Variants in LPAR3 observed in about 807,000 individuals in gnomAD.
LPAR3 encodes the protein LPA receptor 3.
A neutral mutation model predicts 17.8 loss-of-function variants in LPAR3; 7 were observed. The ratio of observed to expected loss-of-function variants is 0.39; its 90% confidence interval spans 0.22 to 0.74. LPAR3 has a LOEUF of 0.74. Ranked by LOEUF, LPAR3 falls within the 30% of genes least tolerant of loss-of-function variation. The probability of loss-of-function intolerance (pLI) is 0.40; values close to 1 mark genes in which losing one functional copy is unlikely to be tolerated. For synonymous variants in LPAR3, 179 were observed against 179.9 expected (o/e 0.99, Z 0.04); for missense variants, 391 against 453.4 (o/e 0.86, Z 1.25).
At chr1:84,839,964 C>T (rs539099155) in intron 2 of LPAR3, among the ~76,000 whole-genome samples, 3 of 152,306 alleles carry the variant, frequency 2.0e-5, no homozygotes, top group East Asian at 1.9e-4. Flanking sequence ...GTCACTCTGT[C>T]GCCCAGGCTG....
chr1:84,849,372 C>CAAAAA lies in LPAR3; in HGVS notation c.736+16008_736+16012dup, dbSNP rs34239236. On this transcript the variant is annotated intron_variant, in intron 2 of 2. Coordinates refer to ENST00000370611, the MANE Select transcript of LPAR3 (RefSeq NM_012152.3). ...CCTGGTGACAGAGTGAGACTCATCT[C>CAAAAA]AAAAAAAAAAAAAAAAAAAAAGAAA... is the stretch of plus-strand genomic sequence containing the variant. Among the ~76,000 whole-genome samples the CAAAAA allele has an allele frequency of 8.3e-4, 63 of 75,880 alleles. 1 individual carries two copies. The highest frequency in any genetic ancestry group is 1.3e-3 in the East Asian group (3 of 2,400). The allele number at this position is 75,880 out of a possible 152,430, so 49.8% of individuals were successfully genotyped here.
rs1001411999 is a variant in LPAR3, at chr1:84,813,452, T to C, written c.*394A>G. On this transcript the variant is annotated 3_prime_UTR_variant, in exon 3 of 3. Transcript: ENST00000370611. ...TGCATGCAGAAAGAACTACATAGAC[T>C]CTCCAAGCAGCTATATAAGGTGGCT... is the stretch of plus-strand genomic sequence containing the variant. 1 of 169,890 alleles carries C rather than the reference T, an allele frequency of 5.9e-6. No homozygotes were observed. The highest frequency in any genetic ancestry group is 1.3e-5 in the Non-Finnish European group (1 of 77,308). 10.5% of individuals were successfully genotyped at this position (169,890 alleles called of 1,614,324 possible).
intron 1 of LPAR3, among the ~76,000 whole-genome samples, chr1:84,872,992 A>G (rs930180137): frequency 6.6e-5 from 10 of 152,222 alleles, no homozygotes; most frequent in Non-Finnish European, 1.3e-4. Flanking sequence ...TGAGAAAAAC[A>G]TCAGCTAAAT....
intron 1 of LPAR3, among the ~76,000 whole-genome samples, chr1:84,892,041 G>A (rs905308801): frequency 2.0e-5 from 3 of 151,776 alleles, no homozygotes; most frequent in African/African-American, 7.3e-5. Context: ...GTGGAACCCC[G>A]TCTCTACTAA....
Position 84,882,479 on chromosome 1 carries a change from T to A in LPAR3, c.-19+10537A>T, listed in dbSNP as rs146407534. Among the ~76,000 whole-genome samples the A allele has an allele frequency of 8.5e-5, 13 of 152,218 alleles. No homozygotes were observed. In the East Asian group the frequency reaches 9.6e-4, roughly 11 times the overall value. On this transcript the variant is annotated intron_variant, in intron 1 of 2. Transcript: ENST00000370611. ...TGAATGGCATTTTTTACAGAAATAT[T>A]AAAAAATCCTAAAATTCATCTGGAA... is the stretch of plus-strand genomic sequence containing the variant.
intron 1 of LPAR3, among the ~76,000 whole-genome samples, chr1:84,876,524 C>T (rs115725971): frequency 8.9e-4 from 135 of 152,284 alleles, no homozygotes; most frequent in African/African-American, 3.0e-3. Flanking sequence ...GGTAGCCTCC[C>T]CTCCCTCCTC....
chr1:84,872,172 T>C (rs780126995), intron 1 of LPAR3, among the ~76,000 whole-genome samples: 3 of 152,236 alleles, frequency 2.0e-5, no homozygotes, highest in Non-Finnish European at 2.9e-5. Context: ...ACTCAGTAAA[T>C]ACTTGTTAAA....
intron 1 of LPAR3, among the ~76,000 whole-genome samples, chr1:84,889,477 G>T (rs1485392226): frequency 6.6e-6 from 1 of 152,180 alleles, no homozygotes. Flanking sequence ...TGTCCACTAA[G>T]AACTGAGATG....
chr1:84,852,063 T>G (rs2102759315), intron 2 of LPAR3, among the ~76,000 whole-genome samples: 1 of 151,506 alleles, frequency 6.6e-6, no homozygotes, highest in East Asian at 1.9e-4. Context: ...TTTTTTTTTT[T>G]TTTTTTGAGT....
chr1:84,885,973 T>C lies in LPAR3; in HGVS notation c.-19+7043A>G, dbSNP rs560685348. Among the ~76,000 whole-genome samples, 107 of 152,322 alleles carry C rather than the reference T, an allele frequency of 7.0e-4. 1 individual carries two copies. The highest frequency in any genetic ancestry group is 6.8e-3 in the Middle Eastern group (2 of 294). ...TGATTTTATAATACACAGCCTAATA[T>C]AGAAAAATTTATAAATGTGTGTACA... On this transcript the variant is annotated intron_variant, in intron 1 of 2. Coordinates refer to ENST00000370611, the MANE Select transcript of LPAR3 (RefSeq NM_012152.3).
chr1:84,871,918 C>T (rs1291178413), intron 1 of LPAR3, among the ~76,000 whole-genome samples: 1 of 152,168 alleles, frequency 6.6e-6, no homozygotes, highest in Non-Finnish European at 1.5e-5. Context: ...CAAGCCTCCA[C>T]CCGCTGCTGC....
chr1:84,851,160 G>A (rs1659702263), intron 2 of LPAR3, among the ~76,000 whole-genome samples: 1 of 152,268 alleles, frequency 6.6e-6, no homozygotes, highest in South Asian at 2.1e-4. Context: ...ACAAAGTGGT[G>A]GTCAATTTTT....
chr1:84,882,959 G>A (rs558144940), intron 1 of LPAR3, among the ~76,000 whole-genome samples: 2 of 152,138 alleles, frequency 1.3e-5, no homozygotes, highest in African/African-American at 2.4e-5. Context: ...TCTACAAAAC[G>A]GGGATAATAA....
At chr1:84,847,297 A>G (rs1286640952) in intron 2 of LPAR3, among the ~76,000 whole-genome samples, 1 of 152,166 alleles carries the variant, frequency 6.6e-6, no homozygotes, top group East Asian at 1.9e-4. Flanking sequence ...AGAATACCTC[A>G]GTTGTTTCTT....
chr1:84,853,830 C>T (rs181691103), intron 2 of LPAR3, among the ~76,000 whole-genome samples: 15 of 152,342 alleles, frequency 9.8e-5, no homozygotes, highest in Admixed American at 9.8e-4. Flanking sequence ...CAAGATCCTA[C>T]ATGGGCTCTT....
At chr1:84,868,495 A>G (rs1287344440) in intron 1 of LPAR3, among the ~76,000 whole-genome samples, 1 of 152,206 alleles carries the variant, frequency 6.6e-6, no homozygotes, top group Non-Finnish European at 1.5e-5. Flanking sequence ...TTAAATATTT[A>G]AAGAGAAATA....
At chr1:84,832,224 C>G (rs1295237022) in intron 2 of LPAR3, among the ~76,000 whole-genome samples, 2 of 152,180 alleles carry the variant, frequency 1.3e-5, no homozygotes, top group African/African-American at 4.8e-5. Flanking sequence ...CAGCCATAAA[C>G]AGGCCCCCTC....
chr1:84,839,679 ACG>A (rs1441512660), intron 2 of LPAR3, among the ~76,000 whole-genome samples: 5 of 133,834 alleles, frequency 3.7e-5, no homozygotes, highest in African/African-American at 1.5e-4. Flanking sequence ...ATAAATAAAT[ACG>A]TAAAATAAAA....
At chr1:84,816,634 C>T (rs1658938029) in intron 2 of LPAR3, among the ~76,000 whole-genome samples, 1 of 151,956 alleles carries the variant, frequency 6.6e-6, no homozygotes, top group Admixed American at 6.6e-5. Flanking sequence ...CCTGTCTCTA[C>T]TAAAATGCAA....
Sources: allele counts gnomAD v4.1 joint callset (sites outside exome capture counted in the v4.1 genomes callset), GRCh38; gene constraint gnomAD v4.1.1; transcripts MANE v1.5; gene names NCBI Gene and HGNC (gene_info 2026-07-23, HGNC 2026-07-21).